Variants in OR2L13 observed in about 807,000 individuals in gnomAD.
OR2L13 encodes olfactory receptor family 2 subfamily L member 13.
A neutral mutation model predicts 15.3 loss-of-function variants in OR2L13; 14 were observed. The ratio of observed to expected loss-of-function variants is 0.91; its 90% CI spans 0.60 to 1.43. OR2L13 has a LOEUF of 1.43. Ranked by LOEUF, OR2L13 falls within the 40% of genes most tolerant of loss-of-function variation. OR2L13 has a pLI of 0.00. For synonymous variants in OR2L13, 152 were observed against 142.9 expected (o/e 1.06, Z -0.45); for missense variants, 367 against 387.9 (o/e 0.95, Z 0.45).
At chr1:248,037,413 T>C in the OR2L13 span, among the ~76,000 whole-genome samples, 915 of 152,274 alleles carry the variant, frequency 6.0e-3, 2 homozygotes, top group Non-Finnish European at 0.01. Flanking sequence ...GCATTTAATT[T>C]ACCTTCCCAT....
the OR2L13 span, chr1:247,965,487 T>C: frequency 6.2e-7 from 1 of 1,613,786 alleles, no homozygotes; most frequent in Non-Finnish European, 8.5e-7. Context: ...TCTTTACAGT[T>C]GCTCTGACAG....
At chr1:248,096,450 A>T (rs1301159547), upstream of OR2L13, among the ~76,000 whole-genome samples, 13 of 152,168 alleles carry the variant, frequency 8.5e-5, no homozygotes, top group Non-Finnish European at 1.5e-5. Flanking sequence ...AACTTGTTAG[A>T]GTTGCACTAT....
chr1:248,076,777 G>A, the OR2L13 span, among the ~76,000 whole-genome samples: 8 of 152,144 alleles, frequency 5.3e-5, no homozygotes, highest in Admixed American at 6.5e-5. Context: ...ATACATTCAT[G>A]TTATCTGCAA....
At chr1:247,975,520 C>T in the OR2L13 span, 1 of 1,072,140 alleles carries the variant, frequency 9.3e-7, no homozygotes, top group East Asian at 2.4e-5. Context: ...CCTGCAATCT[C>T]CAACAGAGGA....
At chr1:248,073,361 T>G in the OR2L13 span, among the ~76,000 whole-genome samples, 1 of 151,822 alleles carries the variant, frequency 6.6e-6, no homozygotes, top group Non-Finnish European at 1.5e-5. Context: ...TCTTTCTCAG[T>G]AAGCTATCGC....
chr1:248,018,719 G>T, the OR2L13 span, among the ~76,000 whole-genome samples: 1 of 152,090 alleles, frequency 6.6e-6, no homozygotes, highest in Non-Finnish European at 1.5e-5. Context: ...CATTTATGTT[G>T]TTGTGCAACC....
chr1:248,055,772 C>T, the OR2L13 span: 1 of 152,216 alleles, frequency 6.6e-6, no homozygotes, highest in East Asian at 1.9e-4. Flanking sequence ...AGTGAGACTC[C>T]GTCTCAAGGA....
chr1:248,057,063 C>T, the OR2L13 span, among the ~76,000 whole-genome samples: 115 of 151,986 alleles, frequency 7.6e-4, no homozygotes, highest in African/African-American at 2.7e-3. Flanking sequence ...TCCAATTATG[C>T]GATAGTTTTA....
chr1:247,948,590 A>T, the OR2L13 span, among the ~76,000 whole-genome samples: 1 of 152,206 alleles, frequency 6.6e-6, no homozygotes, highest in Non-Finnish European at 1.5e-5. Context: ...AAAGATAGAG[A>T]TCATATTCAC....
chr1:247,940,076 G>C, the OR2L13 span, among the ~76,000 whole-genome samples: 9 of 152,102 alleles, frequency 5.9e-5, no homozygotes, highest in Non-Finnish European at 1.2e-4. Flanking sequence ...ATTATTCATT[G>C]AATGGTTTGT....
the OR2L13 span, among the ~76,000 whole-genome samples, chr1:248,050,782 A>C: frequency 9.9e-5 from 15 of 152,200 alleles, no homozygotes; most frequent in Admixed American, 2.0e-4. Context: ...TAAATTACGG[A>C]GTATTGGATT....
intron 1 of OR2L13, among the ~76,000 whole-genome samples, chr1:248,098,171 C>T (rs2103200435): frequency 6.6e-6 from 1 of 152,278 alleles, no homozygotes; most frequent in East Asian, 1.9e-4. Flanking sequence ...ATCGTAATCA[C>T]TACATAACAT....
chr1:247,988,918 A>G, the OR2L13 span, among the ~76,000 whole-genome samples: 6 of 152,278 alleles, frequency 3.9e-5, no homozygotes, highest in South Asian at 8.3e-4. Flanking sequence ...TAATTGATAA[A>G]TATTCTTATG....
At chr1:248,019,531 G>C in the OR2L13 span, among the ~76,000 whole-genome samples, 1 of 152,066 alleles carries the variant, frequency 6.6e-6, no homozygotes, top group Non-Finnish European at 1.5e-5. Flanking sequence ...GATTTAGTTT[G>C]AATTAATTTT....
chr1:248,078,235 C>G, the OR2L13 span, among the ~76,000 whole-genome samples: 1 of 152,130 alleles, frequency 6.6e-6, no homozygotes, highest in African/African-American at 2.4e-5. Context: ...GTAATCCCAG[C>G]ATTTTGGGAG....
chr1:248,061,125 G>A, the OR2L13 span: 13 of 1,613,630 alleles, frequency 8.1e-6, no homozygotes, highest in Admixed American at 1.7e-5. Context: ...CAGGGTCTTG[G>A]ATCATAGGCT....
chr1:247,951,877 G>T, the OR2L13 span, among the ~76,000 whole-genome samples: 2 of 152,164 alleles, frequency 1.3e-5, no homozygotes, highest in African/African-American at 4.8e-5. Flanking sequence ...CACCTGCACT[G>T]CTGCTTCTGT....
chr1:247,952,005 G>A, the OR2L13 span, among the ~76,000 whole-genome samples: 5,725 of 152,218 alleles, frequency 0.038, 121 homozygotes, highest in African/African-American at 0.059. Flanking sequence ...GCGCGTGCGC[G>A]CATGAGAAGA....
upstream of OR2L13, among the ~76,000 whole-genome samples, chr1:248,097,007 C>A (rs567844149): frequency 2.2e-4 from 34 of 152,254 alleles, no homozygotes; most frequent in African/African-American, 7.2e-4. Context: ...CATGAATTAA[C>A]CTATCAATCC....
Sources: gnomAD v4.1 joint callset for allele counts (sites outside exome capture counted in the v4.1 genomes callset) on GRCh38, gnomAD v4.1.1 for gene constraint, MANE v1.5 for transcripts, NCBI Gene and HGNC (gene_info 2026-07-23, HGNC 2026-07-21) for gene names.